The following ME3 variants were observed in gnomAD, a reference collection of about 807,000 sequenced individuals.
ME3 encodes the protein malic enzyme 3, also known as NADP-dependent malic enzyme, mitochondrial.
In ME3, 48 loss-of-function variants were observed where a neutral mutation model predicts 68.9. That is an observed-to-expected ratio of 0.70 (90% CI 0.55 to 0.89). The LOEUF is 0.89. Among genes scored for constraint, ME3 ranks in the 40% least tolerant of loss-of-function variants. The probability of loss-of-function intolerance (pLI) is 0.00; values close to 1 mark genes in which losing one functional copy is unlikely to be tolerated. For missense variants in ME3, 675 were observed against 797.4 expected, an observed-to-expected ratio of 0.85 and a Z score of 1.85; for synonymous variants, 320 against 318.8, an observed-to-expected ratio of 1.00 and a Z score of -0.04.
intron 4 of ME3, among the ~76,000 whole-genome samples, chr11:86,524,395 GAGA>G (rs1274183319): frequency 6.6e-6 from 1 of 152,200 alleles, no homozygotes; most frequent in Non-Finnish European, 1.5e-5. Flanking sequence ...AAGCAGGTTT[GAGA>G]AGTAGTCACA....
chr11:86,568,274 A>G (rs1214586458), intron 2 of ME3, among the ~76,000 whole-genome samples: 1 of 152,168 alleles, frequency 6.6e-6, no homozygotes, highest in East Asian at 1.9e-4. Flanking sequence ...TCTCCAAGTC[A>G]GGTGTAGTCC....
intron 7 of ME3, among the ~76,000 whole-genome samples, chr11:86,484,293 G>GTGTTTTTTTTTTTTTTTT (rs1290775526): frequency 2.0e-5 from 3 of 152,024 alleles, no homozygotes; most frequent in South Asian, 2.1e-4. Flanking sequence ...AATACATTGT[G>GTGTTTTTTTTTTTTTTTT]TTTGACTTTG....
intron 2 of ME3, among the ~76,000 whole-genome samples, chr11:86,605,859 T>C (rs1961555767): frequency 2.6e-5 from 4 of 152,020 alleles, no homozygotes; most frequent in Admixed American, 2.6e-4. Context: ...TTTTTCCACT[T>C]TAAACCCCTG....
chr11:86,602,308 T>C (rs146190129), intron 2 of ME3, among the ~76,000 whole-genome samples: 12,011 of 147,078 alleles, frequency 0.082, 727 homozygotes, highest in Middle Eastern at 0.12. Flanking sequence ...TATACACCAA[T>C]AACAGACAAA....
chr11:86,664,702 G>A (rs954824270), intron 2 of ME3, among the ~76,000 whole-genome samples: 1 of 152,144 alleles, frequency 6.6e-6, no homozygotes, highest in African/African-American at 2.4e-5. Context: ...GGGAGTTCCA[G>A]TGGAGATGCT....
chr11:86,488,014 CA>C (rs1304669782), intron 6 of ME3, among the ~76,000 whole-genome samples: 2 of 152,090 alleles, frequency 1.3e-5, no homozygotes, highest in African/African-American at 4.8e-5. Context: ...CCCATCTCTA[CA>C]AAAAATTTTT....
At chr11:86,651,690 C>G (rs1215445145) in intron 2 of ME3, among the ~76,000 whole-genome samples, 1 of 152,224 alleles carries the variant, frequency 6.6e-6, no homozygotes, top group Non-Finnish European at 1.5e-5. Flanking sequence ...CAGAGCACCT[C>G]TGCCCCTTCA....
At chr11:86,555,324 G>A (rs909991818) in intron 4 of ME3, among the ~76,000 whole-genome samples, 2 of 152,158 alleles carry the variant, frequency 1.3e-5, no homozygotes, top group African/African-American at 2.4e-5. Flanking sequence ...TTTCTGAGAA[G>A]GAACAGGGGA....
intron 6 of ME3, among the ~76,000 whole-genome samples, chr11:86,491,790 T>A (rs1374394828): frequency 6.6e-6 from 1 of 152,200 alleles, no homozygotes; most frequent in East Asian, 1.9e-4. Context: ...AATTTGAATT[T>A]CAGATAGGCA....
intron 2 of ME3, among the ~76,000 whole-genome samples, chr11:86,617,084 T>C (rs1943029874): frequency 9.9e-6 from 1 of 101,038 alleles, no homozygotes; most frequent in Non-Finnish European, 1.9e-5. Context: ...TTTTTAAAGA[T>C]GAAGAACAAG....
chr11:86,618,279 G>A (rs933428181), intron 2 of ME3, among the ~76,000 whole-genome samples: 5 of 108,780 alleles, frequency 4.6e-5, no homozygotes, highest in South Asian at 3.3e-4. Flanking sequence ...CTGCCTGGGC[G>A]ACAGAGCAAG....
chr11:86,610,329 T>C (rs1022878694), intron 2 of ME3, among the ~76,000 whole-genome samples: 31 of 152,120 alleles, frequency 2.0e-4, no homozygotes, highest in African/African-American at 7.0e-4. Flanking sequence ...TGAAATACTT[T>C]ATAATAAAGT....
At chr11:86,488,629 A>C (rs2138942554) in intron 6 of ME3, among the ~76,000 whole-genome samples, 1 of 152,244 alleles carries the variant, frequency 6.6e-6, no homozygotes, top group African/African-American at 2.4e-5. Flanking sequence ...GGTGTGAATG[A>C]CCACTCCTGC....
Position 86,508,886 on chromosome 11 carries a change from G to C in ME3, c.468-19C>G. ...CAGTCCACTAAAAGAAATAAAACAC[G>C]TACACACAGAGAAACCAGGCAGTCA... On this transcript the variant is annotated intron_variant, in intron 4 of 14. Coordinates refer to ENST00000543262, the Ensembl canonical transcript of ME3. The C allele has an allele frequency of 1.9e-6, 3 of 1,592,832 alleles. No individual in the cohort carries two copies. The highest frequency in any genetic ancestry group is 2.6e-6 in the Non-Finnish European group (3 of 1,161,318).
At chr11:86,518,453 A>G (rs1156411990) in intron 4 of ME3, among the ~76,000 whole-genome samples, 1 of 152,134 alleles carries the variant, frequency 6.6e-6, no homozygotes, top group Admixed American at 6.5e-5. Context: ...CTCCCCTAGG[A>G]AATTTACTAC....
intron 2 of ME3, among the ~76,000 whole-genome samples, chr11:86,662,708 G>T (rs1421413121): frequency 6.6e-6 from 1 of 152,144 alleles, no homozygotes; most frequent in African/African-American, 2.4e-5. Flanking sequence ...AAACTACTTA[G>T]AACAATTCCT....
At chr11:86,484,135 A>G (rs1305742735) in intron 7 of ME3, among the ~76,000 whole-genome samples, 1 of 152,182 alleles carries the variant, frequency 6.6e-6, no homozygotes, top group African/African-American at 2.4e-5. Context: ...ACTGAGCCAT[A>G]GTAAGTTTAT....
rs183868129 is a variant in ME3 at position 86,664,901 on chromosome 11, G to A, written c.183+6861C>T. ...TAAACAGTTAATATCTCTGTGCTGT[G>A]CTCCTCCAGCACTTCATTCTGTAGT... On this transcript the variant is annotated intron_variant, in intron 2 of 14. Coordinates refer to ENST00000543262, the Ensembl canonical transcript of ME3. 1.2e-3 allele frequency among the ~76,000 whole-genome samples: 176 copies of A among 152,296 alleles called. 1 individual carries two copies. The highest frequency in any genetic ancestry group is 3.7e-3 in the African/African-American group (152 of 41,564).
intron 4 of ME3, among the ~76,000 whole-genome samples, chr11:86,552,644 C>T (rs1050578834): frequency 6.6e-6 from 1 of 152,212 alleles, no homozygotes; most frequent in African/African-American, 2.4e-5. Context: ...TTTGTCCTTA[C>T]TGGAGTCAGA....
Sources: allele counts gnomAD v4.1 joint callset (sites outside exome capture counted in the v4.1 genomes callset), GRCh38; gene constraint gnomAD v4.1.1; transcripts MANE v1.5; gene names NCBI Gene and HGNC (gene_info 2026-07-23, HGNC 2026-07-21).